Variants in DTNB observed in about 807,000 individuals in gnomAD.
DTNB encodes dystrobrevin beta.
A neutral mutation model predicts 90.7 loss-of-function variants in DTNB; 63 were observed. The observed-to-expected ratio is 0.69, with a 90% CI of 0.57 to 0.86. The LOEUF (loss-of-function observed/expected upper bound fraction) is 0.86. DTNB is among the 40% of genes least tolerant of loss of function. DTNB has a pLI of 0.00. For synonymous variants in DTNB, 277 were observed against 286.7 expected (o/e 0.97, Z 0.34); for missense variants, 744 against 807.1 (o/e 0.92, Z 0.95).
At chr2:25,505,335 T>C (rs775716057) in intron 9 of DTNB, among the ~76,000 whole-genome samples, 1 of 152,128 alleles carries the variant, frequency 6.6e-6, no homozygotes, top group African/African-American at 2.4e-5. Flanking sequence ...AATGGATGCC[T>C]TCACAGGAAG....
intron 15 of DTNB, among the ~76,000 whole-genome samples, chr2:25,420,633 G>A (rs1024636488): frequency 6.6e-5 from 10 of 152,096 alleles, no homozygotes; most frequent in African/African-American, 2.2e-4. Context: ...ACAGGCATGT[G>A]TCACCATGCC....
chr2:25,588,197 A>AT (rs1208134499), intron 6 of DTNB, among the ~76,000 whole-genome samples: 1 of 151,938 alleles, frequency 6.6e-6, no homozygotes, highest in South Asian at 2.1e-4. Flanking sequence ...AAAAAAAAAA[A>AT]GGCTCTAAAA....
At chr2:25,553,111 C>T (rs975906441) in intron 8 of DTNB, among the ~76,000 whole-genome samples, 6 of 151,822 alleles carry the variant, frequency 4.0e-5, no homozygotes, top group African/African-American at 7.3e-5. Context: ...CCACCCGCCT[C>T]GGCCTCCCAG....
chr2:25,408,217 G>A (rs2045711529), intron 16 of DTNB, among the ~76,000 whole-genome samples: 1 of 152,164 alleles, frequency 6.6e-6, no homozygotes, highest in Non-Finnish European at 1.5e-5. Context: ...GCTGAGGCAG[G>A]AGAATTACTT....
At chr2:25,617,594 T>C (rs1167351792) in intron 4 of DTNB, among the ~76,000 whole-genome samples, 3 of 152,178 alleles carry the variant, frequency 2.0e-5, no homozygotes, top group Non-Finnish European at 4.4e-5. Flanking sequence ...AATACAGTTA[T>C]AGAAACTTAT....
chr2:25,570,756 T>C (rs1292789831), intron 8 of DTNB, among the ~76,000 whole-genome samples: 1 of 152,184 alleles, frequency 6.6e-6, no homozygotes, highest in East Asian at 1.9e-4. Flanking sequence ...GATGTCCTCA[T>C]ATTGAAGAGC....
At chr2:25,626,077 T>C (rs1001688321) in intron 4 of DTNB, among the ~76,000 whole-genome samples, 4 of 152,178 alleles carry the variant, frequency 2.6e-5, no homozygotes, top group Non-Finnish European at 4.4e-5. Flanking sequence ...GTGTTGTTTA[T>C]AGAGAGTCCA....
chr2:25,629,518 C>T (rs1354282421), intron 3 of DTNB, among the ~76,000 whole-genome samples: 1 of 152,030 alleles, frequency 6.6e-6, no homozygotes, highest in East Asian at 1.9e-4. Flanking sequence ...AAATTATACG[C>T]TGTTTGTAAG....
At chr2:25,651,086 T>C (rs1170511959) in intron 2 of DTNB, among the ~76,000 whole-genome samples, 3 of 152,200 alleles carry the variant, frequency 2.0e-5, no homozygotes, top group African/African-American at 7.2e-5. Context: ...ATTGCTTTGG[T>C]TCAGAAAAGT....
chr2:25,591,203 G>A (rs1261015387), intron 6 of DTNB, among the ~76,000 whole-genome samples: 1 of 152,208 alleles, frequency 6.6e-6, no homozygotes. Context: ...AGGGGCAAGG[G>A]CAGCCTTCCC....
intron 10 of DTNB, among the ~76,000 whole-genome samples, chr2:25,470,149 G>T (rs574772426): frequency 6.6e-6 from 1 of 152,244 alleles, no homozygotes; most frequent in African/African-American, 2.4e-5. Flanking sequence ...TCTGACTCTG[G>T]AAAGTCCTGA....
chr2:25,537,937 C>T (rs1205199595), intron 8 of DTNB, among the ~76,000 whole-genome samples: 1 of 152,178 alleles, frequency 6.6e-6, no homozygotes, highest in Admixed American at 6.5e-5. Flanking sequence ...TCCCAACTTG[C>T]ACTCTAAAAC....
chr2:25,440,540 C>T (rs1343026818), intron 12 of DTNB, among the ~76,000 whole-genome samples: 1 of 152,092 alleles, frequency 6.6e-6, no homozygotes, highest in African/African-American at 2.4e-5. Flanking sequence ...GCAAAGGAGA[C>T]AACCTGGAGC....
intron 3 of DTNB, among the ~76,000 whole-genome samples, chr2:25,632,944 A>C (rs1179246254): frequency 6.6e-6 from 1 of 152,206 alleles, no homozygotes; most frequent in Non-Finnish European, 1.5e-5. Flanking sequence ...CTTGAGGCCA[A>C]ACCAATACAA....
intron 10 of DTNB, among the ~76,000 whole-genome samples, chr2:25,471,709 A>G (rs912099877): frequency 1.2e-4 from 19 of 152,142 alleles, no homozygotes; most frequent in Non-Finnish European, 2.4e-4. Flanking sequence ...GCCTGCATCA[A>G]AAATCTTTAC....
chr2:25,542,462 G>T (rs2081481446), intron 8 of DTNB, among the ~76,000 whole-genome samples: 1 of 152,134 alleles, frequency 6.6e-6, no homozygotes, highest in Admixed American at 6.5e-5. Flanking sequence ...TGTAAGAAGA[G>T]AATGGCTTGT....
At chr2:25,631,388 T>C (rs1253743043) in intron 3 of DTNB, among the ~76,000 whole-genome samples, 2 of 152,028 alleles carry the variant, frequency 1.3e-5, no homozygotes, top group Admixed American at 6.6e-5. Flanking sequence ...CTGGAGAACA[T>C]AGTGGAATCC....
chr2:25,502,197 C>T (rs528079057), intron 9 of DTNB, among the ~76,000 whole-genome samples: 1 of 151,502 alleles, frequency 6.6e-6, no homozygotes, highest in Non-Finnish European at 1.5e-5. Context: ...AACAAAATAA[C>T]AACAACAACA....
At chr2:25,405,262 G>A (rs1281077659) in intron 16 of DTNB, among the ~76,000 whole-genome samples, 5 of 152,186 alleles carry the variant, frequency 3.3e-5, no homozygotes, top group East Asian at 1.9e-4. Context: ...ATGTTCTGGC[G>A]GGGTGTGGTG....
Sources: gnomAD v4.1 joint callset for allele counts (sites outside exome capture counted in the v4.1 genomes callset) on GRCh38, gnomAD v4.1.1 for gene constraint, MANE v1.5 for transcripts, NCBI Gene and HGNC (gene_info 2026-07-23, HGNC 2026-07-21) for gene names.